CDH17: variants seen among roughly 807,000 people sequenced by gnomAD.
CDH17 encodes cadherin-17.
In CDH17, 67 loss-of-function variants were observed where a neutral mutation model predicts 86.3. The ratio of observed to expected loss-of-function variants is 0.78; its 90% CI spans 0.64 to 0.95. CDH17 has a LOEUF of 0.95. Ranked by LOEUF, CDH17 falls within the 40% of genes least tolerant of loss-of-function variation. The probability of loss-of-function intolerance (pLI) is 0.00; values close to 1 mark genes in which losing one functional copy is unlikely to be tolerated. For missense variants in CDH17, 993 were observed against 1,017.6 expected (o/e 0.98, Z 0.33); for synonymous variants, 367 against 366.4 (o/e 1.00, Z -0.02).
chr8:94,137,412 G>A (rs552162389), intron 15 of CDH17, among the ~76,000 whole-genome samples: 81 of 152,308 alleles, frequency 5.3e-4, no homozygotes, highest in African/African-American at 1.8e-3. Context: ...TGCTAACAGT[G>A]AACAAGGCTC....
At chr8:94,206,998 C>T (rs1452433485) in intron 1 of CDH17, among the ~76,000 whole-genome samples, 1 of 152,040 alleles carries the variant, frequency 6.6e-6, no homozygotes, top group Non-Finnish European at 1.5e-5. Flanking sequence ...GTAACCTTCA[C>T]CTTGAACAGT....
intron 17 of CDH17, among the ~76,000 whole-genome samples, chr8:94,129,852 C>G (rs1812374507): frequency 6.6e-6 from 1 of 152,176 alleles, no homozygotes; most frequent in African/African-American, 2.4e-5. Flanking sequence ...GAAATACCTT[C>G]AGACTACGTG....
intron 1 of CDH17, among the ~76,000 whole-genome samples, chr8:94,200,770 G>A (rs988868193): frequency 3.3e-5 from 5 of 151,684 alleles, no homozygotes; most frequent in South Asian, 4.2e-4. Context: ...TGGGAATCCC[G>A]CCGCGGCCTG....
intron 12 of CDH17, among the ~76,000 whole-genome samples, chr8:94,155,633 G>A (rs1200406501): frequency 1.3e-5 from 2 of 152,218 alleles, no homozygotes; most frequent in African/African-American, 4.8e-5. Context: ...ATTACCAGAA[G>A]AGAACGTGCA....
intron 15 of CDH17, among the ~76,000 whole-genome samples, chr8:94,132,162 G>A (rs928131275): frequency 5.3e-5 from 8 of 152,148 alleles, no homozygotes; most frequent in African/African-American, 7.2e-5. Context: ...CTTTATAGTA[G>A]CATGGTTTAT....
At chr8:94,210,014 A>G (rs77930892), upstream of CDH17, among the ~76,000 whole-genome samples, 838 of 152,126 alleles carry the variant, frequency 5.5e-3, 12 homozygotes, top group African/African-American at 0.019. Flanking sequence ...TGGTATATCA[A>G]TTAAAATTCT....
chr8:94,151,856 G>A lies in CDH17; in HGVS notation c.1796+12C>T. 6.2e-7 allele frequency: 1 copy of A among 1,614,024 alleles called. No individual in the cohort carries two copies. The highest frequency in any genetic ancestry group is 8.5e-7 in the Non-Finnish European group (1 of 1,179,926). On this transcript the variant is annotated intron_variant, in intron 13 of 17. Transcript: ENST00000027335. ...CACGCAGCCAGGCCTGCCCAGCACT[G>A]TTGCCCTTTACCTTATGTCCAGACC...
At chr8:94,128,802 A>T (rs1231980599) in intron 17 of CDH17, among the ~76,000 whole-genome samples, 1 of 152,196 alleles carries the variant, frequency 6.6e-6, no homozygotes, top group Non-Finnish European at 1.5e-5. Context: ...GCTGATTTTC[A>T]TCGTGTCCAT....
intron 1 of CDH17, among the ~76,000 whole-genome samples, chr8:94,205,299 A>G (rs915361551): frequency 3.3e-5 from 5 of 152,146 alleles, no homozygotes; most frequent in African/African-American, 9.7e-5. Flanking sequence ...TTCTTTATGT[A>G]TTACACAACA....
chr8:94,186,105 G>T (rs1312905268), intron 3 of CDH17, among the ~76,000 whole-genome samples: 1 of 151,966 alleles, frequency 6.6e-6, no homozygotes, highest in African/African-American at 2.4e-5. Context: ...CACTCTATTG[G>T]CACCTATATA....
chr8:94,179,036 G>A (rs1003341900), intron 3 of CDH17, among the ~76,000 whole-genome samples: 19 of 128,318 alleles, frequency 1.5e-4, no homozygotes, highest in Non-Finnish European at 3.1e-4. Flanking sequence ...AAAATCCAAG[G>A]AATGTTTATT....
At chr8:94,198,054 T>C (rs1271984073) in intron 1 of CDH17, among the ~76,000 whole-genome samples, 1 of 152,050 alleles carries the variant, frequency 6.6e-6, no homozygotes, top group Non-Finnish European at 1.5e-5. Flanking sequence ...CTTGCTACTG[T>C]GCTTTATATA....
intron 1 of CDH17, among the ~76,000 whole-genome samples, chr8:94,214,697 G>C (rs759764304): frequency 2.6e-5 from 4 of 151,970 alleles, no homozygotes; most frequent in Non-Finnish European, 5.9e-5. Flanking sequence ...AAAAAACACC[G>C]TTAAGAAAGT....
chr8:94,207,911 C>A (rs1304132887), intron 1 of CDH17, among the ~76,000 whole-genome samples: 1 of 152,228 alleles, frequency 6.6e-6, no homozygotes, highest in Non-Finnish European at 1.5e-5. Flanking sequence ...TCAGCCTCTT[C>A]TCTCACTTGT....
intron 7 of CDH17, among the ~76,000 whole-genome samples, chr8:94,171,950 T>C (rs1264554884): frequency 6.6e-6 from 1 of 151,242 alleles, no homozygotes; most frequent in Non-Finnish European, 1.5e-5. Flanking sequence ...AAATTCAGTC[T>C]GAGTTCCTCT....
chr8:94,166,936 C>T (rs995729593), intron 9 of CDH17, among the ~76,000 whole-genome samples: 1 of 152,170 alleles, frequency 6.6e-6, no homozygotes, highest in Admixed American at 6.5e-5. Flanking sequence ...GACTTCCAGC[C>T]TCCAGGTCTA....
At chr8:94,135,943 G>C (rs1331402073) in intron 15 of CDH17, among the ~76,000 whole-genome samples, 3 of 152,166 alleles carry the variant, frequency 2.0e-5, no homozygotes, top group African/African-American at 7.2e-5. Context: ...GAAATTCTGG[G>C]TTGTAAATTC....
intron 3 of CDH17, among the ~76,000 whole-genome samples, chr8:94,183,987 T>G (rs1454995404): frequency 6.7e-6 from 1 of 149,212 alleles, no homozygotes; most frequent in Non-Finnish European, 1.5e-5. Flanking sequence ...TAGGGAAATA[T>G]AAACCAAAAC....
chr8:94,212,219 G>A (rs375905775), upstream of CDH17, among the ~76,000 whole-genome samples: 8 of 152,118 alleles, frequency 5.3e-5, no homozygotes, highest in African/African-American at 1.9e-4. Flanking sequence ...GCAGTGGTGC[G>A]ATCTCGGCTC....
Sources: gnomAD v4.1 joint callset for allele counts (sites outside exome capture counted in the v4.1 genomes callset) on GRCh38, gnomAD v4.1.1 for gene constraint, MANE v1.5 for transcripts, NCBI Gene and HGNC (gene_info 2026-07-23, HGNC 2026-07-21) for gene names.